PCCA: variants seen among roughly 807,000 people sequenced by gnomAD.
The protein encoded by PCCA is propionyl-CoA carboxylase alpha chain, mitochondrial.
Under a neutral mutation model 101.3 loss-of-function variants are expected in PCCA, and 74 were observed. The ratio of observed to expected loss-of-function variants is 0.73; its 90% CI spans 0.61 to 0.89. PCCA has a LOEUF of 0.89. Among genes scored for constraint, PCCA ranks in the 40% least tolerant of loss-of-function variants. PCCA has a pLI of 0.00. For synonymous variants in PCCA, 294 were observed against 313.6 expected (o/e 0.94, Z 0.66); for missense variants, 891 against 907.0 (o/e 0.98, Z 0.23).
At chr13:100,420,390 C>T (rs2078667572) in intron 19 of PCCA, among the ~76,000 whole-genome samples, 1 of 152,086 alleles carries the variant, frequency 6.6e-6, no homozygotes, top group South Asian at 2.1e-4. Flanking sequence ...CCTGGCAACA[C>T]AGTGAGAACC....
At chr13:100,265,314 G>A (rs942527813) in intron 10 of PCCA, among the ~76,000 whole-genome samples, 1 of 152,088 alleles carries the variant, frequency 6.6e-6, no homozygotes, top group Non-Finnish European at 1.5e-5. Flanking sequence ...GTGAGGCAGG[G>A]TCAGAGTAAT....
chr13:100,440,174 AT>A (rs2080247956), intron 20 of PCCA, among the ~76,000 whole-genome samples: 1 of 27,346 alleles, frequency 3.7e-5, no homozygotes, highest in Non-Finnish European at 7.0e-5. Context: ...ATATATATAT[AT>A]ATATATATAT....
intron 21 of PCCA, among the ~76,000 whole-genome samples, chr13:100,450,457 A>G (rs2152926751): frequency 6.6e-6 from 1 of 152,030 alleles, no homozygotes; most frequent in South Asian, 2.1e-4. Flanking sequence ...GTATTTGAAT[A>G]TTTCTCCATG....
At chr13:100,526,020 A>T (rs1206730738) in intron 22 of PCCA, among the ~76,000 whole-genome samples, 1 of 152,230 alleles carries the variant, frequency 6.6e-6, no homozygotes, top group East Asian at 1.9e-4. Context: ...AGTCGCAGTG[A>T]GTCCAGCTTC....
chr13:100,282,563 G>C (rs976296727), intron 12 of PCCA, among the ~76,000 whole-genome samples: 8 of 152,340 alleles, frequency 5.3e-5, no homozygotes, highest in Admixed American at 2.0e-4. Flanking sequence ...GAGGGGCTTA[G>C]CACCCGGGCC....
chr13:100,128,458 A>G (rs1272832768), intron 4 of PCCA, among the ~76,000 whole-genome samples: 1 of 152,190 alleles, frequency 6.6e-6, no homozygotes, highest in African/African-American at 2.4e-5. Context: ...ACAAATTGTG[A>G]TAAGTGTTAT....
At chr13:100,219,033 T>A (rs925619261) in intron 7 of PCCA, among the ~76,000 whole-genome samples, 1 of 152,160 alleles carries the variant, frequency 6.6e-6, no homozygotes, top group African/African-American at 2.4e-5. Context: ...AGCAAATTTC[T>A]CCCCATTTGA....
chr13:100,243,772 C>T (rs954481543), intron 8 of PCCA, among the ~76,000 whole-genome samples: 1 of 152,166 alleles, frequency 6.6e-6, no homozygotes, highest in Non-Finnish European at 1.5e-5. Context: ...AGTGTGTCTG[C>T]CCTGTCTCTG....
chr13:100,198,245 C>G (rs2058242039), intron 6 of PCCA: 1 of 152,246 alleles, frequency 6.6e-6, no homozygotes, highest in South Asian at 2.1e-4. Flanking sequence ...TGCCCAGTTT[C>G]TGTTGCTCAG....
At chr13:100,096,705 G>A (rs557992570) in intron 1 of PCCA, among the ~76,000 whole-genome samples, 46 of 152,334 alleles carry the variant, frequency 3.0e-4, no homozygotes, top group African/African-American at 1.1e-3. Context: ...ATTAAAAAAA[G>A]TGAAACAGCT....
rs534786503 is a variant in PCCA at position 100,145,866 on chromosome 13, A to C, written c.301-9113A>C. On this transcript the variant is annotated intron_variant, in intron 4 of 23. Coordinates refer to ENST00000376285, the MANE Select transcript of PCCA (RefSeq NM_000282.4). ...GACAGAGTGAGACTCCGTCTCAAAA[A>C]AAAAAAAAAAGTTTAGCTATTACAT... Among the ~76,000 whole-genome samples the C allele has an allele frequency of 4.9e-4, 74 of 151,804 alleles. 1 individual carries two copies. Among genetic ancestry groups the C allele is most frequent in the South Asian group, 3.5e-3 (17 of 4,798 alleles).
chr13:100,193,014 A>C (rs1320454910), intron 6 of PCCA, among the ~76,000 whole-genome samples: 1 of 152,172 alleles, frequency 6.6e-6, no homozygotes, highest in Non-Finnish European at 1.5e-5. Context: ...CGAGAGTGAA[A>C]AGGGACGCTA....
At chr13:100,164,525 T>C (rs1231853527) in intron 6 of PCCA, among the ~76,000 whole-genome samples, 1 of 152,288 alleles carries the variant, frequency 6.6e-6, no homozygotes, top group Admixed American at 6.5e-5. Context: ...AGTGCTTTTT[T>C]CCCCTGACTC....
chr13:100,469,712 T>G (rs7319707), intron 21 of PCCA, among the ~76,000 whole-genome samples: 91,692 of 151,192 alleles, frequency 0.61, 28,332 homozygotes, highest in East Asian at 0.83. Context: ...ACCCGGAGGC[T>G]GAGGTTGCAG....
intron 10 of PCCA, 108 bp downstream of exon 10, chr13:100,262,939 G>C: frequency 1.5e-6 from 1 of 667,334 alleles, no homozygotes; most frequent in East Asian, 2.8e-5. Context: ...TGTGCCTTTA[G>C]AATCTGTTGT....
At chr13:100,298,664 CTCCCTCCCTCCTTCCTTCCTTCCT>C (rs1566891056) in intron 12 of PCCA, among the ~76,000 whole-genome samples, 3,301 of 10,774 alleles carry the variant, frequency 0.31, 957 homozygotes, top group Non-Finnish European at 0.41. Context: ...CCCTCCCTCC[CTCCCTCCCTCCTTCCTTCCTTCCT>C]TCCTTCCTTC....
chr13:100,354,981 T>C (rs1460108782), intron 18 of PCCA, among the ~76,000 whole-genome samples: 1 of 152,164 alleles, frequency 6.6e-6, no homozygotes, highest in Non-Finnish European at 1.5e-5. Flanking sequence ...ATCATCATGA[T>C]TCCAAAACCA....
chr13:100,342,054 G>A (rs1332157620), intron 18 of PCCA, among the ~76,000 whole-genome samples: 2 of 148,868 alleles, frequency 1.3e-5, no homozygotes, highest in East Asian at 3.9e-4. Context: ...CATAATTAGA[G>A]TCATAAACCT....
At chr13:100,200,201 T>A (rs1594691575) in intron 6 of PCCA, among the ~76,000 whole-genome samples, 2 of 152,078 alleles carry the variant, frequency 1.3e-5, no homozygotes, top group East Asian at 3.8e-4. Flanking sequence ...GCCTCCCGGG[T>A]TCACACTGTT....
Sources: allele counts gnomAD v4.1 joint callset (sites outside exome capture counted in the v4.1 genomes callset), GRCh38; gene constraint gnomAD v4.1.1; transcripts MANE v1.5; gene names NCBI Gene and HGNC (gene_info 2026-07-23, HGNC 2026-07-21).